RBFOX1: variants seen among roughly 807,000 people sequenced by gnomAD.
RBFOX1 encodes RNA binding protein fox-1 homolog 1.
Under a neutral mutation model 57.7 loss-of-function variants are expected in RBFOX1, and 8 were observed. That is an observed-to-expected ratio of 0.14 (90% CI 0.08 to 0.25). The LOEUF (loss-of-function observed/expected upper bound fraction) is 0.25, where lower values mean the gene tolerates loss of function less well. Ranked by LOEUF, RBFOX1 falls within the 10% of genes least tolerant of loss-of-function variation. The pLI is 1.00. For synonymous variants in RBFOX1, 326 were observed against 222.4 expected (o/e 1.47, Z -4.15); for missense variants, 611 against 548.5 (o/e 1.11, Z -1.14).
intron 2 of RBFOX1, among the ~76,000 whole-genome samples, chr16:6,447,279 C>T (rs889653699): frequency 2.0e-5 from 3 of 152,080 alleles, no homozygotes; most frequent in Admixed American, 6.6e-5. Context: ...CTGTGGCCAT[C>T]GGTGAAAGGG....
intron 11 of RBFOX1, among the ~76,000 whole-genome samples, chr16:7,643,841 TC>T (rs2063263058): frequency 6.6e-6 from 1 of 152,096 alleles, no homozygotes; most frequent in Non-Finnish European, 1.5e-5. Flanking sequence ...AACTTAAGTA[TC>T]TAACAGAAGA....
chr16:5,962,547 T>C (rs1220607799), intron 4 of RBFOX1, among the ~76,000 whole-genome samples: 3 of 152,178 alleles, frequency 2.0e-5, no homozygotes, highest in African/African-American at 7.2e-5. Context: ...CTTTGTCTCA[T>C]TGGGTCTAAA....
chr16:7,283,993 A>G (rs2095599844), intron 4 of RBFOX1, among the ~76,000 whole-genome samples: 1 of 152,180 alleles, frequency 6.6e-6, no homozygotes, highest in African/African-American at 2.4e-5. Context: ...TTCTGTCTCT[A>G]CAGTGTTGGT....
chr16:6,901,763 A>T (rs563330381), intron 3 of RBFOX1, among the ~76,000 whole-genome samples: 1 of 152,226 alleles, frequency 6.6e-6, no homozygotes, highest in Non-Finnish European at 1.5e-5. Context: ...AGTAGAGATT[A>T]ACACTCATAG....
Position 6,941,433 on chromosome 16 carries a change from T to C in RBFOX1, c.-15-110624T>C, listed in dbSNP as rs553253604. On this transcript the variant is annotated intron_variant, in intron 3 of 15. Coordinates refer to ENST00000550418, the MANE Select transcript of RBFOX1 (RefSeq NM_018723.4). ...ATTTGGAATATTAGGAAATCCCTAA[T>C]TTAAAATAAACACCAAAGTCCTCTA... 9.5e-4 allele frequency among the ~76,000 whole-genome samples: 144 copies of C among 151,672 alleles called. 1 individual carries two copies. Among genetic ancestry groups the C allele is most frequent in the African/African-American group, 3.3e-3 (136 of 41,358 alleles).
At chr16:6,184,159 C>T (rs2097089614) in intron 1 of RBFOX1, among the ~76,000 whole-genome samples, 1 of 152,144 alleles carries the variant, frequency 6.6e-6, no homozygotes, top group Non-Finnish European at 1.5e-5. Flanking sequence ...ATGGGGGAAA[C>T]TGCCCCCATG....
At chr16:5,621,955 T>C (rs980594515) in intron 3 of RBFOX1, among the ~76,000 whole-genome samples, 1 of 152,212 alleles carries the variant, frequency 6.6e-6, no homozygotes, top group South Asian at 2.1e-4. Context: ...CAGCATCTCC[T>C]GGGAAGAATG....
At chr16:6,519,211 GC>G in intron 2 of RBFOX1, among the ~76,000 whole-genome samples, 1 of 152,212 alleles carries the variant, frequency 6.6e-6, no homozygotes, top group South Asian at 2.1e-4. Context: ...GGTAATACCT[GC>G]CCTGCCTACC....
At chr16:5,366,403 TC>T in intron 1 of RBFOX1, 1 of 435,578 alleles carries the variant, frequency 2.3e-6, no homozygotes, top group South Asian at 1.8e-5. Context: ...TATGAGATAC[TC>T]CAGCCAAAAA....
At chr16:6,478,427 A>ATTT (rs1457956625) in intron 2 of RBFOX1, among the ~76,000 whole-genome samples, 22 of 12,716 alleles carry the variant, frequency 1.7e-3, no homozygotes, top group Non-Finnish European at 2.2e-3. Flanking sequence ...ATATATATAT[A>ATTT]TATTTTTTTT....
At chr16:7,233,410 A>G (rs1476997019) in intron 4 of RBFOX1, among the ~76,000 whole-genome samples, 1 of 152,140 alleles carries the variant, frequency 6.6e-6, no homozygotes, top group Non-Finnish European at 1.5e-5. Flanking sequence ...TTAAACATTG[A>G]GTTGCTTTTC....
chr16:6,730,563 C>A (rs1034921619), intron 3 of RBFOX1, among the ~76,000 whole-genome samples: 5 of 152,158 alleles, frequency 3.3e-5, no homozygotes, highest in African/African-American at 1.2e-4. Context: ...ATCTATGTAT[C>A]TGCCTATCTA....
intron 3 of RBFOX1, among the ~76,000 whole-genome samples, chr16:6,860,664 T>C (rs981118865): frequency 1.3e-5 from 2 of 152,098 alleles, no homozygotes; most frequent in Non-Finnish European, 2.9e-5. Flanking sequence ...AATAGGGAAA[T>C]AGAAGATAAA....
intron 4 of RBFOX1, among the ~76,000 whole-genome samples, chr16:7,426,828 G>T (rs187033356): frequency 3.7e-4 from 57 of 152,252 alleles, no homozygotes; most frequent in Non-Finnish European, 6.2e-4. Context: ...GCTGTCTGGG[G>T]GACAGGTCCT....
intron 4 of RBFOX1, among the ~76,000 whole-genome samples, chr16:7,509,450 G>A (rs374632799): frequency 6.7e-6 from 1 of 149,588 alleles, no homozygotes; most frequent in South Asian, 2.1e-4. Flanking sequence ...GTGTCTGTGT[G>A]TGGTTTTTGG....
chr16:6,188,148 C>T (rs1488351479), intron 1 of RBFOX1, among the ~76,000 whole-genome samples: 1 of 152,106 alleles, frequency 6.6e-6, no homozygotes, highest in Admixed American at 6.6e-5. Flanking sequence ...AAAACTGTAT[C>T]TTCTATGTAT....
rs182709640 is a variant in RBFOX1 at position 7,546,767 on chromosome 16, C to A, written c.270+28378C>A. On this transcript the variant is annotated intron_variant, in intron 5 of 15. Coordinates refer to ENST00000550418, the MANE Select transcript of RBFOX1 (RefSeq NM_018723.4). The stretch of plus-strand genomic sequence containing the variant: ...ATTGCCTGGGATCATTTGGATTGGA[C>A]ATAGTTTATTTAGCCAATCCCTTGT... Among the ~76,000 whole-genome samples, 9 of 152,218 alleles carry A rather than the reference C, an allele frequency of 5.9e-5. No homozygotes were observed. The East Asian group carries it at 1.7e-3, about 29-fold the overall frequency.
chr16:6,144,924 A>G (rs550735839), intron 1 of RBFOX1, among the ~76,000 whole-genome samples: 1 of 152,288 alleles, frequency 6.6e-6, no homozygotes, highest in Admixed American at 6.5e-5. Flanking sequence ...GTCTATTTGT[A>G]TTCTGGAAAA....
At chr16:5,711,758 A>G (rs1408640252) in intron 3 of RBFOX1, among the ~76,000 whole-genome samples, 9 of 152,208 alleles carry the variant, frequency 5.9e-5, no homozygotes, top group Non-Finnish European at 1.3e-4. Context: ...TTGCTTTTTG[A>G]GGAAAATTGC....
Sources: allele counts gnomAD v4.1 joint callset (sites outside exome capture counted in the v4.1 genomes callset), GRCh38; gene constraint gnomAD v4.1.1; transcripts MANE v1.5; gene names NCBI Gene and HGNC (gene_info 2026-07-23, HGNC 2026-07-21).